Variants in ARL4C observed in about 807,000 individuals in gnomAD.
ARL4C encodes the protein ADP-ribosylation factor-like protein 4C.
Under a neutral mutation model 12.8 loss-of-function variants are expected in ARL4C, and 5 were observed. That is an observed-to-expected ratio of 0.39 (90% CI 0.20 to 0.82). The LOEUF (loss-of-function observed/expected upper bound fraction) is 0.82. ARL4C is among the 40% of genes least tolerant of loss of function. ARL4C has a pLI of 0.39. For synonymous variants in ARL4C, 119 were observed against 119.4 expected, an observed-to-expected ratio of 1.00 and a Z score of 0.02; for missense variants, 148 against 265.2, an observed-to-expected ratio of 0.56 and a Z score of 3.07.
In ARL4C at chr2:234,495,644, T is replaced by C. The variant is rs925217454; in HGVS notation, c.*162A>G. ...GGAGTGGGAAGAAATCGCTTTTGTC[T>C]TTCCGACAACTGAGCCTTCCACCTG... is the stretch of plus-strand genomic sequence containing the variant. On this transcript the variant is annotated 3_prime_UTR_variant, in exon 2 of 2. Transcript: ENST00000339728. 6 of 889,302 alleles carry C rather than the reference T, an allele frequency of 6.7e-6. No individual in the cohort carries two copies. Among genetic ancestry groups the C allele is most frequent in the Non-Finnish European group, 1.0e-5 (6 of 572,242 alleles). 55.1% of individuals were successfully genotyped at this position (889,302 alleles called of 1,614,324 possible). A position where few individuals can be genotyped will look rare whatever the true frequency, so the allele number is the denominator to read the frequency against.
In ARL4C at chr2:234,496,605, C is replaced by CA. The variant is rs1176979009; in HGVS notation, c.-20dup. 2.7e-6 allele frequency: 4 copies of CA among 1,470,042 alleles called. No homozygotes were observed. The African/African-American group carries it at 5.8e-5, about 21-fold the overall frequency. The allele number at this position is 1,470,042 out of a possible 1,614,324, so 91.1% of individuals were successfully genotyped here. On this transcript the variant is annotated 5_prime_UTR_variant, in exon 1 of 2. Coordinates refer to ENST00000339728, the MANE Select transcript of ARL4C (RefSeq NM_001282431.2). ...TGCCCATGGCTCCTGGCTGCGGCGC[C>CA]AGCCACTGCGGCTGCGGCGGGAGGG...
rs1403630645 is a variant in ARL4C, at chr2:234,494,193, C to T, written c.*1613G>A. 3 of 152,526 alleles carry T rather than the reference C, an allele frequency of 2.0e-5. No homozygotes were observed. The highest frequency in any genetic ancestry group is 7.3e-5 in the African/African-American group (3 of 41,376). The allele number at this position is 152,526 out of a possible 1,614,324, so 9.4% of individuals were successfully genotyped here. The stretch of plus-strand genomic sequence containing the variant: ...CAATGGGGGGAAAGTCATAATTCTA[C>T]CTGAAAACATGGATTGTAAGAGGAA... On this transcript the variant is annotated 3_prime_UTR_variant, in exon 2 of 2. Transcript: ENST00000339728.
At chr2:234,495,931 TC>T in intron 1 of ARL4C, 80 bp downstream of exon 1, 3 of 1,608,556 alleles carry the variant, frequency 1.9e-6, no homozygotes, top group Non-Finnish European at 2.5e-6. Flanking sequence ...CATCCATCCA[TC>T]CATCCATCCA....
At position 234,496,329 on chromosome 2, in the gene ARL4C, C is replaced by T. The variant is rs1691783077; in HGVS notation, c.258G>A (p.Thr86=). 6.2e-7 allele frequency: 1 copy of T among 1,613,262 alleles called. No homozygotes were observed. The highest frequency in any genetic ancestry group is 1.1e-5 in the South Asian group (1 of 90,956). ...RPLWKSYSRC[T]DGIIYVVDSV... Reference sequence around the variant, plus strand: ...AGTCCACCACGTAGATGATGCCGTCCGTGCAGCGGCTGTAGGACTTCCACA... The same window carrying T: ...AGTCCACCACGTAGATGATGCCGTCTGTGCAGCGGCTGTAGGACTTCCACA... The change falls in exon 1 of 2, where the codon ACG becomes ACA. Residue 86 remains threonine, a synonymous_variant. Transcript: ENST00000339728.
At position 234,495,681 on chromosome 2, in the gene ARL4C, G is replaced by T. The variant is rs1052055942; in HGVS notation, c.*125C>A. 8.2e-7 allele frequency: 1 copy of T among 1,226,546 alleles called. No individual in the cohort carries two copies. The highest frequency in any genetic ancestry group is 2.4e-4 in the Middle Eastern group (1 of 4,126). The allele number at this position is 1,226,546 out of a possible 1,614,324, so 76.0% of individuals were successfully genotyped here. Reference sequence around the variant, plus strand: ...GAGCCTTCCACCTGGGGCTGGGAGGGCGGACAGCAGGACCGGCTCTTCCAC... The same window carrying T: ...GAGCCTTCCACCTGGGGCTGGGAGGTCGGACAGCAGGACCGGCTCTTCCAC... On this transcript the variant is annotated 3_prime_UTR_variant, in exon 2 of 2. Transcript: ENST00000339728.
At position 234,496,792 on chromosome 2, in the gene ARL4C, G is replaced by C. The variant is rs1371184296; in HGVS notation, c.-206C>G. ...GCCCTCGCCGGCCGGGCTCGCGATC[G>C]GCGGGCATCGCGTCTCTACGCGCGG... On this transcript the variant is annotated 5_prime_UTR_variant, in exon 1 of 2. Coordinates refer to ENST00000339728, the MANE Select transcript of ARL4C (RefSeq NM_001282431.2). 3 of 151,204 alleles carry C rather than the reference G, an allele frequency of 2.0e-5. No individual in the cohort carries two copies. In the South Asian group the frequency reaches 6.2e-4, roughly 31 times the overall value. 9.4% of individuals were successfully genotyped at this position (151,204 alleles called of 1,614,324 possible).
At position 234,496,596 on chromosome 2, in the gene ARL4C, C is replaced by T. The variant is rs1691787493; in HGVS notation, c.-10G>A. 1 of 1,501,070 alleles carries T rather than the reference C, an allele frequency of 6.7e-7. No homozygotes were observed. The highest frequency in any genetic ancestry group is 1.4e-5 in the African/African-American group (1 of 70,648). The allele number at this position is 1,501,070 out of a possible 1,614,324, so 93.0% of individuals were successfully genotyped here. ...AGGAGATGTTGCCCATGGCTCCTGG[C>T]TGCGGCGCCAGCCACTGCGGCTGCG... On this transcript the variant is annotated 5_prime_UTR_variant, in exon 1 of 2. Transcript: ENST00000339728.
chr2:234,493,405 C>T lies in ARL4C; in HGVS notation c.*2401G>A, dbSNP rs774550553. 1 of 152,380 alleles carries T rather than the reference C, an allele frequency of 6.6e-6. No homozygotes were observed. Among genetic ancestry groups the T allele is most frequent in the South Asian group, 2.1e-4 (1 of 4,826 alleles). 9.4% of individuals were successfully genotyped at this position (152,380 alleles called of 1,614,324 possible). On this transcript the variant is annotated 3_prime_UTR_variant, in exon 2 of 2. Coordinates refer to ENST00000339728, the MANE Select transcript of ARL4C (RefSeq NM_001282431.2). Reference sequence around the variant, plus strand: ...CTCCAAGGTGATTTGATCTGTGCTTCCTCTGTTGGGTCAGAGACGAAACGG... The same window carrying T: ...CTCCAAGGTGATTTGATCTGTGCTTTCTCTGTTGGGTCAGAGACGAAACGG...
chr2:234,496,013 GCTT>G lies in ARL4C; in HGVS notation c.571_573del (p.Lys191del). 2.5e-6 allele frequency: 4 copies of G among 1,605,310 alleles called. No homozygotes were observed. The highest frequency in any genetic ancestry group is 1.1e-5 in the South Asian group (1 of 89,766). ...CCCCGGTCGCTCCGGGCGCATTACC[GCTT>G]CTTCTTCTGCTTGAGGGACTTCCTG... On this transcript the variant is annotated inframe_deletion and splice_region_variant, in exon 1 of 2. Transcript: ENST00000339728.
rs1691764228 is a variant in ARL4C, at chr2:234,495,211, C to T, written c.*595G>A. The T allele has an allele frequency of 6.4e-6, 1 of 155,270 alleles. No homozygotes were observed. 9.6% of individuals were successfully genotyped at this position (155,270 alleles called of 1,614,324 possible). A position where few individuals can be genotyped will look rare whatever the true frequency, so the allele number is the denominator to read the frequency against. On this transcript the variant is annotated 3_prime_UTR_variant, in exon 2 of 2. Coordinates refer to ENST00000339728, the MANE Select transcript of ARL4C (RefSeq NM_001282431.2). ...TAATGACCTACACATGGACAGGGTC[C>T]AAACCATCTGGAAGATGTCTGATTC...
rs980928033 is a variant in ARL4C, at chr2:234,495,400, G to A, written c.*406C>T. On this transcript the variant is annotated 3_prime_UTR_variant, in exon 2 of 2. Transcript: ENST00000339728. ...GATGACCCAAACCACCACCACCTTT[G>A]GGCCCAGAGCAGGACAAATGAAATT... The A allele has an allele frequency of 6.8e-6, 2 of 294,032 alleles. No individual in the cohort carries two copies. 18.2% of individuals were successfully genotyped at this position (294,032 alleles called of 1,614,324 possible).
rs1691733313 is a variant in ARL4C, at chr2:234,493,498, GCTTTA to G, written c.*2303_*2307del. 1 of 152,466 alleles carries G rather than the reference GCTTTA, an allele frequency of 6.6e-6. No individual in the cohort carries two copies. The highest frequency in any genetic ancestry group is 1.5e-5 in the Non-Finnish European group (1 of 68,034). 9.4% of individuals were successfully genotyped at this position (152,466 alleles called of 1,614,324 possible). A position where few individuals can be genotyped will look rare whatever the true frequency, so the allele number is the denominator to read the frequency against. On this transcript the variant is annotated 3_prime_UTR_variant, in exon 2 of 2. Transcript: ENST00000339728. ...TAACTAGTAGTTGATACACCACAGG[GCTTTA>G]CTTTACTGCACAATTACTAACAGTT...
rs1316959619 is a variant in ARL4C, at chr2:234,493,544, T to C, written c.*2262A>G. The C allele has an allele frequency of 6.6e-6, 1 of 152,668 alleles. No individual in the cohort carries two copies. The highest frequency in any genetic ancestry group is 1.5e-5 in the Non-Finnish European group (1 of 68,042). 9.5% of individuals were successfully genotyped at this position (152,668 alleles called of 1,614,324 possible). On this transcript the variant is annotated 3_prime_UTR_variant, in exon 2 of 2. Coordinates refer to ENST00000339728, the MANE Select transcript of ARL4C (RefSeq NM_001282431.2). The stretch of plus-strand genomic sequence containing the variant: ...ACTAACAGTTGATTGCACCCTTAAG[T>C]ATTGATTATGCAAAAAACAAAATCA...
rs1191923481 is a variant in ARL4C, at chr2:234,495,301, G to A, written c.*505C>T. 5.9e-6 allele frequency: 1 copy of A among 170,046 alleles called. No homozygotes were observed. Among genetic ancestry groups the A allele is most frequent in the Non-Finnish European group, 1.3e-5 (1 of 78,072 alleles). The allele number at this position is 170,046 out of a possible 1,614,324, so 10.5% of individuals were successfully genotyped here. ...AGCCACCACAAAGCACCAGGAAAAG[G>A]GCACCTCCGCGGCCATCCCCAGCCA... is the stretch of plus-strand genomic sequence containing the variant. On this transcript the variant is annotated 3_prime_UTR_variant, in exon 2 of 2. Coordinates refer to ENST00000339728, the MANE Select transcript of ARL4C (RefSeq NM_001282431.2).
chr2:234,496,630 G>A lies in ARL4C; in HGVS notation c.-44C>T. 2 of 1,394,136 alleles carry A rather than the reference G, an allele frequency of 1.4e-6. No homozygotes were observed. The highest frequency in any genetic ancestry group is 1.9e-6 in the Non-Finnish European group (2 of 1,068,342). 86.4% of individuals were successfully genotyped at this position (1,394,136 alleles called of 1,614,324 possible). A position where few individuals can be genotyped will look rare whatever the true frequency, so the allele number is the denominator to read the frequency against. On this transcript the variant is annotated 5_prime_UTR_variant, in exon 1 of 2. Coordinates refer to ENST00000339728, the MANE Select transcript of ARL4C (RefSeq NM_001282431.2). Reference sequence around the variant, plus strand: ...CAGCCACTGCGGCTGCGGCGGGAGGGCGCCGCCCCCCGAGCAGTCACGGGC... The same window carrying A: ...CAGCCACTGCGGCTGCGGCGGGAGGACGCCGCCCCCCGAGCAGTCACGGGC...
Position 234,496,087 on chromosome 2 carries a change from C to G in ARL4C, c.500G>C (p.Gly167Ala), listed in dbSNP as rs1691778595. 1 of 1,613,198 alleles carries G rather than the reference C, an allele frequency of 6.2e-7. No individual in the cohort carries two copies. Among genetic ancestry groups the G allele is most frequent in the Non-Finnish European group, 8.5e-7 (1 of 1,179,652 alleles). Reference protein sequence around the residue: ...VQPACAIIGEGLTEGMDKLYE... With the variant: ...VQPACAIIGEALTEGMDKLYE... The stretch of plus-strand genomic sequence containing the variant: ...GAGCTTGTCCATGCCCTCGGTGAGG[C>G]CCTCGCCGATGATGGCGCACGCCGG... The change falls in exon 1 of 2, where the codon GGC (glycine) becomes GCC (alanine). Residue 167 changes from glycine to alanine, a missense_variant. Gly to Ala is a moderately conservative substitution (Grantham distance 60). Around this residue, in one of 4 missense-constraint regions of ARL4C, gnomAD observed 42 missense variants for 87.4 expected, o/e 0.48. Coordinates refer to ENST00000339728, the MANE Select transcript of ARL4C (RefSeq NM_001282431.2).
chr2:234,496,411 G>T lies in ARL4C; in HGVS notation c.176C>A (p.Ala59Asp). 1 of 1,611,508 alleles carries T rather than the reference G, an allele frequency of 6.2e-7. No homozygotes were observed. Residue 59 changes from alanine (A) to aspartate (D), a missense_variant, in exon 1 of 2, where the codon GCC (alanine) becomes GAC (aspartate). Ala to Asp is a moderately radical substitution (Grantham distance 126). Transcript: ENST00000339728. ...CCAGAAGTGGCAGCTGATGCCCTTG[G>T]CCGTGCCGTTGCTCAGCTTGATCTT... is the stretch of plus-strand genomic sequence containing the variant. Reference protein sequence around the residue: ...TEKIKLSNGTAKGISCHFWDV... With the variant: ...TEKIKLSNGTDKGISCHFWDV...
Position 234,493,147 on chromosome 2 carries a change from A to G in ARL4C, c.*2659T>C, listed in dbSNP as rs1691728244. Reference sequence around the variant, plus strand: ...ATGAGACAGAGAATTACAGCAGTAGAAAGGAAAACAGAAACCAGGGCACAC... The same window carrying G: ...ATGAGACAGAGAATTACAGCAGTAGGAAGGAAAACAGAAACCAGGGCACAC... On this transcript the variant is annotated 3_prime_UTR_variant, in exon 2 of 2. Transcript: ENST00000339728. 1 of 152,698 alleles carries G rather than the reference A, an allele frequency of 6.5e-6. No individual in the cohort carries two copies. The highest frequency in any genetic ancestry group is 1.5e-5 in the Non-Finnish European group (1 of 68,044). 9.5% of individuals were successfully genotyped at this position (152,698 alleles called of 1,614,324 possible).
Position 234,495,788 on chromosome 2 carries a change from C to G in ARL4C, c.*18G>C. On this transcript the variant is annotated 3_prime_UTR_variant, in exon 2 of 2. Transcript: ENST00000339728. ...CCTGAGCTGGGGGTGGGGGGCAGGTCGAGAGTAGGCCGGTAAATCAGACTT... is the reference window on the plus strand; with the variant it reads ...CCTGAGCTGGGGGTGGGGGGCAGGTGGAGAGTAGGCCGGTAAATCAGACTT... 1 of 1,598,408 alleles carries G rather than the reference C, an allele frequency of 6.3e-7. No homozygotes were observed. The highest frequency in any genetic ancestry group is 8.5e-7 in the Non-Finnish European group (1 of 1,179,792).
Sources: gnomAD v4.1 joint callset for allele counts on GRCh38, gnomAD v4.1.1 for gene constraint, gnomAD v4.1.1 regional missense constraint, MANE v1.5 for transcripts, NCBI Gene and HGNC (gene_info 2026-07-23, HGNC 2026-07-21) for gene names.